Variants in TNKS1BP1 observed in about 807,000 individuals in gnomAD.
TNKS1BP1 encodes the protein CCR4-NOT transcription complex subunit 12, also known as 182 kDa tankyrase-1-binding protein.
A neutral mutation model predicts 141.1 loss-of-function variants in TNKS1BP1; 48 were observed. The ratio of observed to expected loss-of-function variants is 0.34; its 90% CI spans 0.27 to 0.43. The LOEUF (loss-of-function observed/expected upper bound fraction) is 0.43, where lower values mean the gene tolerates loss of function less well. Ranked by LOEUF, TNKS1BP1 falls within the 20% of genes least tolerant of loss-of-function variation. The pLI, the probability that TNKS1BP1 is intolerant of heterozygous loss-of-function variation, is 1.00. For synonymous variants in TNKS1BP1, 875 were observed against 898.2 expected, an observed-to-expected ratio of 0.97 and a Z score of 0.46; for missense variants, 2,149 against 2,226.0, an observed-to-expected ratio of 0.97 and a Z score of 0.70.
At chr11:57,320,037 A>AC in intron 3 of TNKS1BP1, 42 bp downstream of exon 3, 1 of 910,386 alleles carries the variant, frequency 1.1e-6, no homozygotes, top group East Asian at 4.7e-5. Context: ...ACCCCACCTG[A>AC]CCTCCAGGCT....
intron 6 of TNKS1BP1, among the ~76,000 whole-genome samples, chr11:57,307,931 G>C (rs1211638669): frequency 6.6e-6 from 1 of 152,204 alleles, no homozygotes; most frequent in Non-Finnish European, 1.5e-5. Context: ...TAACCTCTTT[G>C]AGAACCCGTG....
intron 5 of TNKS1BP1, chr11:57,311,524 G>A: frequency 2.1e-6 from 2 of 963,002 alleles, no homozygotes; most frequent in Non-Finnish European, 2.5e-6. Flanking sequence ...AGCTTGGGCA[G>A]CCCCGCCCAG....
In TNKS1BP1 at chr11:57,312,793, A is replaced by G. The variant is rs768257754; in HGVS notation, c.1895T>C (p.Val632Ala). The stretch of plus-strand genomic sequence containing the variant: ...AGGCTCAGGGGCATCAGCAAAGAGA[A>G]CACAGGGCTGGTCAGGGGCTGCTGG... The part of the protein sequence containing the change: ...EQPAAPDQPC[V>A]LFADAPEPGQ... The change falls in exon 5 of 12, where the codon GTT becomes GCT. Residue 632 changes from valine (V) to alanine (A), a missense_variant. Transcript: ENST00000358252. The G allele has an allele frequency of 2.5e-6, 4 of 1,611,468 alleles. No individual in the cohort carries two copies. Among genetic ancestry groups the G allele is most frequent in the Admixed American group, 1.7e-5 (1 of 59,818 alleles).
Position 57,317,784 on chromosome 11 carries a change from C to T in TNKS1BP1, c.798+34G>A, listed in dbSNP as rs762895516. 1.6e-5 allele frequency: 26 copies of T among 1,600,562 alleles called. 1 individual carries two copies. The highest frequency in any genetic ancestry group is 1.2e-4 in the South Asian group (11 of 90,670). ...ATATGACCCTTCCAGCTCTAAAATACGTGATTCTGATTCATAACTGGAGGA... is the reference window on the plus strand; with the variant it reads ...ATATGACCCTTCCAGCTCTAAAATATGTGATTCTGATTCATAACTGGAGGA... On this transcript the variant is annotated intron_variant, in intron 4 of 11. Transcript: ENST00000358252.
chr11:57,308,534 G>A lies in TNKS1BP1; in HGVS notation c.4177C>T (p.Pro1393Ser). 6.2e-7 allele frequency: 1 copy of A among 1,614,118 alleles called. No homozygotes were observed. The highest frequency in any genetic ancestry group is 8.5e-7 in the Non-Finnish European group (1 of 1,180,014). Residue 1393 changes from proline to serine, a missense_variant, in exon 6 of 12, where the codon CCC (proline) becomes TCC (serine). Pro to Ser is a moderately conservative substitution (Grantham distance 74). Transcript: ENST00000358252. ...SLSPGLEARD[P>S]LEARELGVGE... ...ACCCCCAGCTCCCTGGCCTCCAAGG[G>A]GTCTCTGGCCTCCAGGCCAGGAGAC...
chr11:57,313,199 G>A lies in TNKS1BP1; in HGVS notation c.1489C>T (p.Pro497Ser). Residue 497 changes from proline (P) to serine (S), a missense_variant, in exon 5 of 12, where the codon CCC becomes TCC. Transcript: ENST00000358252. The part of the protein sequence containing the change: ...LGVWRLDSPP[P>S]SPITEASEAA... ...TCACTGGCTTCAGTGATGGGGGAGG[G>A]AGGCGGGGAGTCCAGCCGCCACACG... is the stretch of plus-strand genomic sequence containing the variant. 1 of 1,612,524 alleles carries A rather than the reference G, an allele frequency of 6.2e-7. No homozygotes were observed. Among genetic ancestry groups the A allele is most frequent in the Non-Finnish European group, 8.5e-7 (1 of 1,179,906 alleles).
In TNKS1BP1 at chr11:57,310,141, C is replaced by T. The variant is rs1325811011; in HGVS notation, c.2570G>A (p.Ser857Asn). The T allele has an allele frequency of 1.2e-6, 2 of 1,614,228 alleles. No individual in the cohort carries two copies. ...RKRDSQGTYS[S>N]RDAELQDQEF... ...CTGGTCCTGGAGTTCTGCATCCCGG[C>T]TGGAGTAAGTGCCCTGGGAATCCCT... is the stretch of plus-strand genomic sequence containing the variant. The change falls in exon 6 of 12, where the codon AGC (serine) becomes AAC (asparagine). Residue 857 changes from serine (S) to asparagine (N), a missense_variant. By Grantham distance (46) the Ser-to-Asn change is conservative. Transcript: ENST00000358252.
rs36049032 is a variant in TNKS1BP1, at chr11:57,310,168, T to C, written c.2543A>G (p.Lys848Arg). ...GGAGTAAGTGCCCTGGGAATCCCTC[T>C]TTCTGAACTCCCAGTCCTGAACATC... ...EADVQDWEFR[K>R]RDSQGTYSSR... The change falls in exon 6 of 12, where the codon AAG becomes AGG. Residue 848 changes from lysine (K) to arginine (R), a missense_variant. Transcript: ENST00000358252. 1,246 of 1,614,224 alleles carry C rather than the reference T, an allele frequency of 7.7e-4. 14 individuals carry two copies. The African/African-American group carries it at 0.015, about 19-fold the overall frequency.
At chr11:57,311,559 C>G in intron 5 of TNKS1BP1, 1 of 680,132 alleles carries the variant, frequency 1.5e-6, no homozygotes, top group East Asian at 1.4e-4. Flanking sequence ...ACCCACATCC[C>G]GGGACAGACA....
In TNKS1BP1 at chr11:57,320,288, C is replaced by G. The variant is rs770747343; in HGVS notation, c.519G>C (p.Lys173Asn). The change falls in exon 3 of 12, where the codon AAG becomes AAC. Residue 173 changes from lysine to asparagine, a missense_variant. Coordinates refer to ENST00000358252, the MANE Select transcript of TNKS1BP1 (RefSeq NM_033396.3). ...GGCGGTCGGGGCTGGCAAGGACCTC[C>G]TTCCGAGGCTGCTCCATCTTGGCCA... is the stretch of plus-strand genomic sequence containing the variant. ...EILAKMEQPR[K>N]EVLASPDRLW... 1.9e-5 allele frequency: 31 copies of G among 1,614,060 alleles called. No individual in the cohort carries two copies. Among genetic ancestry groups the G allele is most frequent in the Non-Finnish European group, 2.6e-5 (31 of 1,180,042 alleles).
At position 57,312,812 on chromosome 11, in the gene TNKS1BP1, C is replaced by A. The variant is rs1265291143; in HGVS notation, c.1876G>T (p.Ala626Ser). The change falls in exon 5 of 12, where the codon GCC (alanine) becomes TCC (serine). Residue 626 changes from alanine (A) to serine (S), a missense_variant. Transcript: ENST00000358252. ...AAGAGAACACAGGGCTGGTCAGGGGCTGCTGGCTGCTCCTGCCCCAGGACT... is the reference window on the plus strand; with the variant it reads ...AAGAGAACACAGGGCTGGTCAGGGGATGCTGGCTGCTCCTGCCCCAGGACT... ...EPVLGQEQPA[A>S]PDQPCVLFAD... 6.2e-7 allele frequency: 1 copy of A among 1,612,036 alleles called. No homozygotes were observed. The highest frequency in any genetic ancestry group is 8.5e-7 in the Non-Finnish European group (1 of 1,179,046).
intron 1 of TNKS1BP1, among the ~76,000 whole-genome samples, chr11:57,324,606 G>C (rs1855938336): frequency 7.4e-6 from 1 of 135,708 alleles, no homozygotes; most frequent in African/African-American, 2.8e-5. Flanking sequence ...TTCTGGCTCT[G>C]CCAGCACGAG....
In TNKS1BP1 at chr11:57,302,789, G is replaced by A; in HGVS notation, c.4353C>T (p.Gly1451=). 4 of 1,552,138 alleles carry A rather than the reference G, an allele frequency of 2.6e-6. No individual in the cohort carries two copies. The highest frequency in any genetic ancestry group is 3.5e-6 in the Non-Finnish European group (4 of 1,151,888). The change falls in exon 7 of 12, where the codon GGC becomes GGT. Residue 1451 remains glycine, a synonymous_variant. Transcript: ENST00000358252. This position sits in a 1 kb window ranked among gnomAD's most constrained non-coding sequence, Gnocchi z 5.5. ...GRCPARPPPS[G]SQGLLEEMLA... ...GCATCTCCTCCAGCAGGCCCTGGGAGCCGGAGGGTGGGGGGCGGGCCGGGC... is the reference window on the plus strand; with the variant it reads ...GCATCTCCTCCAGCAGGCCCTGGGAACCGGAGGGTGGGGGGCGGGCCGGGC...
chr11:57,313,256 A>G lies in TNKS1BP1; in HGVS notation c.1432T>C (p.Trp478Arg). The G allele has an allele frequency of 6.2e-7, 1 of 1,612,934 alleles. No individual in the cohort carries two copies. Among genetic ancestry groups the G allele is most frequent in the Non-Finnish European group, 8.5e-7 (1 of 1,180,002 alleles). ...SNWSLSQSFE[W>R]TFPTRPSGLG... ...CCCGAGGGCCTCGTGGGGAAGGTCC[A>G]TTCGAAGGACTGTGATAAGCTCCAG... Residue 478 changes from tryptophan to arginine, a missense_variant, in exon 5 of 12, where the codon TGG becomes CGG. Transcript: ENST00000358252.
At chr11:57,319,942 A>T in intron 3 of TNKS1BP1, 137 bp downstream of exon 3, 1 of 1,068,250 alleles carries the variant, frequency 9.4e-7, no homozygotes, top group Non-Finnish European at 1.3e-6. Context: ...ATCTGCCTGT[A>T]CTCACAGCAC....
rs1855743487 is a variant in TNKS1BP1, at chr11:57,313,254, C to G, written c.1434G>C (p.Trp478Cys). 1 of 1,612,912 alleles carries G rather than the reference C, an allele frequency of 6.2e-7. No individual in the cohort carries two copies. The highest frequency in any genetic ancestry group is 8.5e-7 in the Non-Finnish European group (1 of 1,180,000). The change falls in exon 5 of 12, where the codon TGG becomes TGC. Residue 478 changes from tryptophan to cysteine, a missense_variant. By Grantham distance (215) the Trp-to-Cys change is radical. Coordinates refer to ENST00000358252, the MANE Select transcript of TNKS1BP1 (RefSeq NM_033396.3). ...SNWSLSQSFE[W>C]TFPTRPSGLG... ...GACCCGAGGGCCTCGTGGGGAAGGTCCATTCGAAGGACTGTGATAAGCTCC... is the reference window on the plus strand; with the variant it reads ...GACCCGAGGGCCTCGTGGGGAAGGTGCATTCGAAGGACTGTGATAAGCTCC...
intron 2 of TNKS1BP1, 48 bp downstream of exon 2, chr11:57,321,744 T>TCCCCCCCCCCC: frequency 9.6e-7 from 1 of 1,039,820 alleles, no homozygotes; most frequent in Non-Finnish European, 1.5e-6. Flanking sequence ...CCTCTGTCCT[T>TCCCCCCCCCCC]CCCACCCCCC....
At chr11:57,305,709 G>A (rs943816297) in intron 6 of TNKS1BP1, among the ~76,000 whole-genome samples, 1 of 152,196 alleles carries the variant, frequency 6.6e-6, no homozygotes, top group African/African-American at 2.4e-5. Context: ...GGGAACCGGT[G>A]CAAGTCACAC....
rs769419949 is a variant in TNKS1BP1 at position 57,301,961 on chromosome 11, AG to A, written c.4835-19del. 1.2e-4 allele frequency: 195 copies of A among 1,612,086 alleles called. No individual in the cohort carries two copies. The African/African-American group carries it at 1.9e-3, about 16-fold the overall frequency. Reference sequence around the variant, plus strand: ...CCGTGGCTCTGCAAAGGCCCGGGAAAGGGGCTCAGAAAAGGCAGCACACCCA... The same window carrying A: ...CCGTGGCTCTGCAAAGGCCCGGGAAAGGGCTCAGAAAAGGCAGCACACCCA... On this transcript the variant is annotated intron_variant, in intron 8 of 11. Coordinates refer to ENST00000358252, the MANE Select transcript of TNKS1BP1 (RefSeq NM_033396.3).
Sources: gnomAD v4.1 joint callset for allele counts (sites outside exome capture counted in the v4.1 genomes callset) on GRCh38, gnomAD v4.1.1 for gene constraint, Gnocchi (gnomAD v3.1) non-coding constraint, MANE v1.5 for transcripts, NCBI Gene and HGNC (gene_info 2026-07-23, HGNC 2026-07-21) for gene names.